Variants in MBD5 observed in about 807,000 individuals in gnomAD.
MBD5 encodes the protein methyl-CpG-binding domain protein 5.
A neutral mutation model predicts 117.3 loss-of-function variants in MBD5; 13 were observed. That is an observed-to-expected ratio of 0.11 (90% CI 0.07 to 0.18). MBD5 has a LOEUF of 0.18. Among genes scored for constraint, MBD5 ranks in the 10% least tolerant of loss-of-function variants. The probability of loss-of-function intolerance (pLI) is 1.00; values close to 1 mark genes in which losing one functional copy is unlikely to be tolerated. For missense variants in MBD5, 1,879 were observed against 2,093.8 expected (o/e 0.90, Z 2.00); for synonymous variants, 727 against 766.4 (o/e 0.95, Z 0.85).
At chr2:148,366,751 C>A (rs1190174356) in intron 4 of MBD5, among the ~76,000 whole-genome samples, 1 of 152,050 alleles carries the variant, frequency 6.6e-6, no homozygotes, top group African/African-American at 2.4e-5. Context: ...AATAAAATAC[C>A]TAGGAATACA....
At chr2:148,109,025 A>G (rs986154612) in intron 1 of MBD5, among the ~76,000 whole-genome samples, 1 of 152,214 alleles carries the variant, frequency 6.6e-6, no homozygotes, top group Non-Finnish European at 1.5e-5. Context: ...ATTATTGAAC[A>G]TTCAAGAATT....
chr2:148,104,999 C>T (rs1432434846), intron 1 of MBD5, among the ~76,000 whole-genome samples: 2 of 151,890 alleles, frequency 1.3e-5, no homozygotes, highest in Non-Finnish European at 2.9e-5. Flanking sequence ...GGAATTTTAT[C>T]TGTGGGTAGA....
intron 3 of MBD5, among the ~76,000 whole-genome samples, chr2:148,277,602 C>T (rs1309460135): frequency 1.3e-5 from 2 of 152,100 alleles, no homozygotes; most frequent in Non-Finnish European, 2.9e-5. Flanking sequence ...CCTATAATTA[C>T]TCAAGCAATG....
chr2:148,403,381 T>C (rs1257870674), intron 4 of MBD5, among the ~76,000 whole-genome samples: 1 of 152,108 alleles, frequency 6.6e-6, no homozygotes, highest in African/African-American at 2.4e-5. Context: ...GGTTTCACCA[T>C]GTTGGCCAGG....
intron 4 of MBD5, among the ~76,000 whole-genome samples, chr2:148,420,288 A>G (rs998939826): frequency 6.6e-6 from 1 of 152,152 alleles, no homozygotes; most frequent in African/African-American, 2.4e-5. Context: ...AACTTCATGT[A>G]AATCTTTATT....
intron 1 of MBD5, among the ~76,000 whole-genome samples, chr2:148,115,875 T>TA (rs1404167364): frequency 1.3e-5 from 2 of 152,066 alleles, no homozygotes; most frequent in Admixed American, 6.6e-5. Flanking sequence ...GACAGGGTCT[T>TA]ACTGTCACCT....
chr2:148,294,501 G>GTTTTTTTTTTTTTTTTTTTTTTTTTTT (rs58961481), intron 3 of MBD5, among the ~76,000 whole-genome samples: 8 of 113,260 alleles, frequency 7.1e-5, no homozygotes, highest in African/African-American at 2.2e-4. Flanking sequence ...TGGGATTACA[G>GTTTTTTTTTTTTTTTTTTTTTTTTTTT]TTTTTTTTTT....
At chr2:148,057,487 GT>G (rs1382676181) in intron 1 of MBD5, among the ~76,000 whole-genome samples, 1 of 151,060 alleles carries the variant, frequency 6.6e-6, no homozygotes, top group Non-Finnish European at 1.5e-5. Flanking sequence ...TTTTAGAAGT[GT>G]TTTTGCCCCA....
chr2:148,209,269 G>A (rs1341159685), intron 2 of MBD5, among the ~76,000 whole-genome samples: 1 of 152,074 alleles, frequency 6.6e-6, no homozygotes, highest in African/African-American at 2.4e-5. Flanking sequence ...TTCATATGAT[G>A]AAATCTCATT....
intron 12 of MBD5, among the ~76,000 whole-genome samples, chr2:148,506,315 G>A (rs1682031131): frequency 1.3e-5 from 2 of 152,216 alleles, no homozygotes; most frequent in East Asian, 1.9e-4. Flanking sequence ...TAAGCGAGGA[G>A]CAAATCTTCT....
At chr2:148,498,408 C>T (rs1161367924) in intron 11 of MBD5, among the ~76,000 whole-genome samples, 1 of 152,184 alleles carries the variant, frequency 6.6e-6, no homozygotes, top group African/African-American at 2.4e-5. Context: ...AGTCTCTCGG[C>T]TCACTGCAAC....
intron 1 of MBD5, among the ~76,000 whole-genome samples, chr2:148,106,905 A>G (rs1696386800): frequency 6.6e-6 from 1 of 151,950 alleles, no homozygotes. Flanking sequence ...GTTTTATAAC[A>G]TTTATATTCC....
intron 1 of MBD5, among the ~76,000 whole-genome samples, chr2:148,174,761 A>T (rs1427718271): frequency 6.9e-6 from 1 of 145,042 alleles, no homozygotes; most frequent in Non-Finnish European, 1.5e-5. Context: ...ATAATTTCAC[A>T]CCTCTCAGAA....
At chr2:148,411,305 C>T (rs765020830) in intron 4 of MBD5, among the ~76,000 whole-genome samples, 2 of 152,062 alleles carry the variant, frequency 1.3e-5, no homozygotes, top group Non-Finnish European at 2.9e-5. Context: ...CTGCAATGGG[C>T]ATATGCGTCC....
At chr2:148,452,383 G>A (rs918402276) in intron 4 of MBD5, among the ~76,000 whole-genome samples, 10 of 151,936 alleles carry the variant, frequency 6.6e-5, no homozygotes, top group South Asian at 2.1e-4. Flanking sequence ...ACCTGTGATC[G>A]CAGCTATACA....
At chr2:148,419,934 C>A (rs1379506576) in intron 4 of MBD5, among the ~76,000 whole-genome samples, 1 of 152,124 alleles carries the variant, frequency 6.6e-6, no homozygotes, top group Admixed American at 6.5e-5. Flanking sequence ...TCAGCTTCCC[C>A]AGAAGTTTTT....
chr2:148,367,296 C>T (rs1181095367), intron 4 of MBD5, among the ~76,000 whole-genome samples: 1 of 152,136 alleles, frequency 6.6e-6, no homozygotes, highest in Admixed American at 6.5e-5. Context: ...GAAACTGGAC[C>T]CCTTCCTTAC....
Position 148,021,674 on chromosome 2 carries a change from G to A in MBD5, c.-935G>A, listed in dbSNP as rs1693740427. 1.8e-5 allele frequency: 7 copies of A among 384,624 alleles called. No homozygotes were observed. The highest frequency in any genetic ancestry group is 3.6e-5 in the Non-Finnish European group (7 of 194,806). 23.8% of individuals were successfully genotyped at this position (384,624 alleles called of 1,614,324 possible). A position where few individuals can be genotyped will look rare whatever the true frequency, so the allele number is the denominator to read the frequency against. On this transcript the variant is annotated 5_prime_UTR_variant, in exon 1 of 14. Transcript: ENST00000642680. Reference sequence around the variant, plus strand: ...TCCAGGGAAGGCACTCAAAAGTGGGGGGCAGGAAAGGTAAGTGTGTCTGTG... The same window carrying A: ...TCCAGGGAAGGCACTCAAAAGTGGGAGGCAGGAAAGGTAAGTGTGTCTGTG...
chr2:148,371,117 A>T (rs1431440132), intron 4 of MBD5, among the ~76,000 whole-genome samples: 1 of 152,184 alleles, frequency 6.6e-6, no homozygotes, highest in Non-Finnish European at 1.5e-5. Flanking sequence ...TCAAAAAATT[A>T]TTTCTATTTT....
Sources: gnomAD v4.1 joint callset for allele counts (sites outside exome capture counted in the v4.1 genomes callset) on GRCh38, gnomAD v4.1.1 for gene constraint, MANE v1.5 for transcripts, NCBI Gene and HGNC (gene_info 2026-07-23, HGNC 2026-07-21) for gene names.